Variants in TENM3 observed in about 807,000 individuals in gnomAD.
TENM3 encodes teneurin transmembrane protein 3.
Under a neutral mutation model 255.1 loss-of-function variants are expected in TENM3, and 63 were observed. The ratio of observed to expected loss-of-function variants is 0.25; its 90% CI spans 0.20 to 0.30. The LOEUF (loss-of-function observed/expected upper bound fraction) is 0.30. Ranked by LOEUF, TENM3 falls within the 10% of genes least tolerant of loss-of-function variation. The probability of loss-of-function intolerance (pLI) is 1.00; values close to 1 mark genes in which losing one functional copy is unlikely to be tolerated. For missense variants in TENM3, 2,929 were observed against 3,461.1 expected (o/e 0.85, Z 3.86); for synonymous variants, 1,306 against 1,322.3 (o/e 0.99, Z 0.27).
chr4:181,918,593 T>C, the TENM3 span, among the ~76,000 whole-genome samples: 1 of 152,232 alleles, frequency 6.6e-6, no homozygotes, highest in Non-Finnish European at 1.5e-5. Context: ...TTTTGTTAGA[T>C]TAAATGTCCT....
the TENM3 span, among the ~76,000 whole-genome samples, chr4:181,996,709 T>C: frequency 6.6e-6 from 1 of 152,290 alleles, no homozygotes; most frequent in East Asian, 1.9e-4. Flanking sequence ...TCAAGGTTAT[T>C]CCAGCAGCAC....
intron 1 of TENM3, among the ~76,000 whole-genome samples, chr4:182,288,787 G>A (rs958994553): frequency 6.6e-6 from 1 of 152,140 alleles, no homozygotes; most frequent in African/African-American, 2.4e-5. Flanking sequence ...CCATCAGCCT[G>A]GACGACTCAT....
intron 1 of TENM3, among the ~76,000 whole-genome samples, chr4:182,252,056 G>A (rs1228235769): frequency 6.6e-6 from 1 of 151,976 alleles, no homozygotes; most frequent in East Asian, 1.9e-4. Flanking sequence ...GGTGGTACAT[G>A]CCTGTAGTCC....
At chr4:182,211,797 TTTAA>T (rs1755060068) in intron 1 of TENM3, among the ~76,000 whole-genome samples, 1 of 152,238 alleles carries the variant, frequency 6.6e-6, no homozygotes, top group South Asian at 2.1e-4. Flanking sequence ...TGTTTTTGTC[TTTAA>T]TTATTTGAAA....
At chr4:181,534,880 T>A in the TENM3 span, among the ~76,000 whole-genome samples, 2 of 152,124 alleles carry the variant, frequency 1.3e-5, no homozygotes, top group Admixed American at 6.5e-5. Flanking sequence ...CGATTTTATA[T>A]CTGATTCAAA....
chr4:181,627,056 A>C, the TENM3 span, among the ~76,000 whole-genome samples: 1 of 152,160 alleles, frequency 6.6e-6, no homozygotes, highest in Non-Finnish European at 1.5e-5. Context: ...AAACATGGAG[A>C]TCTTATCTGA....
intron 1 of TENM3, among the ~76,000 whole-genome samples, chr4:182,264,764 C>T (rs1759127337): frequency 6.6e-6 from 1 of 152,174 alleles, no homozygotes; most frequent in Non-Finnish European, 1.5e-5. Context: ...ATATTGGCCA[C>T]TTGGCATGGC....
chr4:182,216,684 A>T (rs1487846571), intron 1 of TENM3, among the ~76,000 whole-genome samples: 1 of 152,240 alleles, frequency 6.6e-6, no homozygotes, highest in African/African-American at 2.4e-5. Flanking sequence ...AAGTTTACAG[A>T]GAGTACACCA....
chr4:182,385,762 C>T (rs1767878676), intron 3 of TENM3, among the ~76,000 whole-genome samples: 1 of 152,102 alleles, frequency 6.6e-6, no homozygotes, highest in Admixed American at 6.5e-5. Context: ...CAACAAGAAG[C>T]TGATATAAAT....
chr4:182,436,001 CT>C (rs201599498), intron 3 of TENM3, among the ~76,000 whole-genome samples: 8 of 150,730 alleles, frequency 5.3e-5, no homozygotes, highest in South Asian at 4.2e-4. Context: ...AAAAATAGTG[CT>C]TTTTTTTTCT....
the TENM3 span, among the ~76,000 whole-genome samples, chr4:181,767,646 T>A: frequency 6.6e-6 from 1 of 152,006 alleles, no homozygotes; most frequent in Non-Finnish European, 1.5e-5. Flanking sequence ...ACTCAGTAGG[T>A]CTAGGAAGGG....
intron 24 of TENM3, among the ~76,000 whole-genome samples, chr4:182,776,510 C>T (rs756578608): frequency 3.3e-5 from 5 of 152,144 alleles, no homozygotes; most frequent in African/African-American, 4.8e-5. Context: ...GGCTGTTGAG[C>T]TTGCTGGATA....
chr4:181,625,252 TG>T, the TENM3 span, among the ~76,000 whole-genome samples: 2 of 152,200 alleles, frequency 1.3e-5, no homozygotes, highest in African/African-American at 4.8e-5. Context: ...GGGTCCGCCT[TG>T]AGAATGCATA....
chr4:182,365,133 A>G, intron 3 of TENM3, among the ~76,000 whole-genome samples: 1 of 152,162 alleles, frequency 6.6e-6, no homozygotes, highest in Admixed American at 6.5e-5. Context: ...CTTTGTTGTA[A>G]TTTGTATTCG....
chr4:182,445,360 C>CT (rs1772833108), intron 3 of TENM3, among the ~76,000 whole-genome samples: 1 of 152,154 alleles, frequency 6.6e-6, no homozygotes, highest in Non-Finnish European at 1.5e-5. Context: ...AAATGAAGTG[C>CT]TTAGTGTTAG....
At chr4:182,046,834 G>A in the TENM3 span, among the ~76,000 whole-genome samples, 3 of 152,080 alleles carry the variant, frequency 2.0e-5, no homozygotes, top group African/African-American at 7.2e-5. Context: ...CCTATAGCAG[G>A]TTTCTATTTT....
intron 3 of TENM3, among the ~76,000 whole-genome samples, chr4:182,449,755 G>A (rs978326799): frequency 2.0e-5 from 3 of 152,182 alleles, no homozygotes; most frequent in Admixed American, 6.5e-5. Context: ...TGTGATTTTT[G>A]TCAGGTTTAA....
chr4:182,418,223 A>T (rs546487681), intron 3 of TENM3, among the ~76,000 whole-genome samples: 3 of 152,330 alleles, frequency 2.0e-5, no homozygotes, highest in African/African-American at 7.2e-5. Flanking sequence ...TAGAGAGTGG[A>T]GTGGCTAGAG....
At position 182,224,379 on chromosome 4, in the gene TENM3, G is replaced by T. The variant is rs543435286; in HGVS notation, c.-76+79625G>T. Reference sequence around the variant, plus strand: ...CAAATGGGAGAAAATTCTTTTCCTGGCATGTATTGGGTAACAGTTGTTTGT... The same window carrying T: ...CAAATGGGAGAAAATTCTTTTCCTGTCATGTATTGGGTAACAGTTGTTTGT... On this transcript the variant is annotated intron_variant, in intron 1 of 2. Coordinates refer to the TENM3 transcript ENST00000512480. Among the ~76,000 whole-genome samples the T allele has an allele frequency of 1.4e-3, 206 of 152,246 alleles. 1 individual carries two copies. The highest frequency in any genetic ancestry group is 4.6e-3 in the African/African-American group (190 of 41,530).
Sources: gnomAD v4.1 joint callset for allele counts (sites outside exome capture counted in the v4.1 genomes callset) on GRCh38, gnomAD v4.1.1 for gene constraint, MANE v1.5 for transcripts, NCBI Gene and HGNC (gene_info 2026-07-23, HGNC 2026-07-21) for gene names.